SLC12A6: variants seen among roughly 807,000 people sequenced by gnomAD.
The protein encoded by SLC12A6 is K-Cl cotransporter 3.
Under a neutral mutation model 135.3 loss-of-function variants are expected in SLC12A6, and 66 were observed. That is an observed-to-expected ratio of 0.49 (90% CI 0.40 to 0.60). The LOEUF is 0.60. SLC12A6 is among the 20% of genes least tolerant of loss of function. The pLI, the probability that SLC12A6 is intolerant of heterozygous loss-of-function variation, is 0.00. For missense variants in SLC12A6, 1,058 were observed against 1,452.3 expected, an observed-to-expected ratio of 0.73 and a Z score of 4.41; for synonymous variants, 513 against 508.8, an observed-to-expected ratio of 1.01 and a Z score of -0.11.
rs1384416481 is a variant in SLC12A6, at chr15:34,231,046, A to G, written c.*2835T>C. 1 of 152,230 alleles carries G rather than the reference A, an allele frequency of 6.6e-6. No homozygotes were observed. Among genetic ancestry groups the G allele is most frequent in the Admixed American group, 6.5e-5 (1 of 15,280 alleles). 9.4% of individuals were successfully genotyped at this position (152,230 alleles called of 1,614,324 possible). On this transcript the variant is annotated 3_prime_UTR_variant, in exon 26 of 26. Coordinates refer to ENST00000354181, the MANE Select transcript of SLC12A6 (RefSeq NM_001365088.1). The stretch of plus-strand genomic sequence containing the variant: ...TCCTAGGCAGGCTGACCTTTACAGT[A>G]TGGGCCTTTAAGATACTGGATCCTG...
chr15:34,253,000 A>G (rs1186818652), intron 9 of SLC12A6, among the ~76,000 whole-genome samples: 1 of 152,212 alleles, frequency 6.6e-6, no homozygotes, highest in Non-Finnish European at 1.5e-5. Context: ...CTGTTTTTGA[A>G]TTTAAGCCTA....
Position 34,275,352 on chromosome 15 carries a change from T to C in SLC12A6, c.309A>G (p.Gln103=), listed in dbSNP as rs772276744. The C allele has an allele frequency of 2.6e-6, 4 of 1,523,736 alleles. No homozygotes were observed. Among genetic ancestry groups the C allele is most frequent in the Admixed American group, 3.3e-5 (2 of 59,858 alleles). 94.4% of individuals were successfully genotyped at this position (1,523,736 alleles called of 1,614,324 possible). A position where few individuals can be genotyped will look rare whatever the true frequency, so the allele number is the denominator to read the frequency against. ...SQNSITGEHS[Q]LLDDGHKKAR... is the part of the protein sequence containing the mutation. ...CCCACAGTAATACTATACCTAACAGTTGGCTGTGTTCCCCTGTGATGGAGT... is the reference window on the plus strand; with the variant it reads ...CCCACAGTAATACTATACCTAACAGCTGGCTGTGTTCCCCTGTGATGGAGT... Residue 103 remains glutamine (Q), a synonymous_variant, in exon 3 of 26, where the codon CAA becomes CAG. Coordinates refer to ENST00000354181, the MANE Select transcript of SLC12A6 (RefSeq NM_001365088.1).
intron 3 of SLC12A6, among the ~76,000 whole-genome samples, chr15:34,266,312 T>G (rs1723350060): frequency 6.6e-6 from 1 of 152,136 alleles, no homozygotes; most frequent in African/African-American, 2.4e-5. Flanking sequence ...TGAGAAACAT[T>G]TTATTAGGTA....
At chr15:34,252,092 A>G in intron 10 of SLC12A6, 78 bp downstream of exon 10, 1 of 741,462 alleles carries the variant, frequency 1.3e-6, no homozygotes. Flanking sequence ...CTTTATGGAC[A>G]GTAGAGGAAT....
At chr15:34,273,120 G>A (rs1268590564) in intron 3 of SLC12A6, among the ~76,000 whole-genome samples, 1 of 152,208 alleles carries the variant, frequency 6.6e-6, no homozygotes, top group Admixed American at 6.5e-5. Flanking sequence ...AGAGGCCACA[G>A]TGGGTGGGTC....
chr15:34,318,724 T>C (rs1888833150), intron 2 of SLC12A6: 1 of 1,611,300 alleles, frequency 6.2e-7, no homozygotes, highest in Non-Finnish European at 8.5e-7. Flanking sequence ...TTAAACTTCC[T>C]TCCAGTTAGT....
chr15:34,230,117 T>C lies in SLC12A6; in HGVS notation c.*3764A>G. On this transcript the variant is annotated 3_prime_UTR_variant, in exon 26 of 26. Coordinates refer to ENST00000354181, the MANE Select transcript of SLC12A6 (RefSeq NM_001365088.1). ...AATCAAGAACTGTTGCAGCATCTCC[T>C]TTCAATAAATTAAATGGTTGAGAAC... is the stretch of plus-strand genomic sequence containing the variant. 1 of 309,236 alleles carries C rather than the reference T, an allele frequency of 3.2e-6. No individual in the cohort carries two copies. The allele number at this position is 309,236 out of a possible 1,614,324, so 19.2% of individuals were successfully genotyped here.
chr15:34,327,894 G>T (rs1889579513), intron 2 of SLC12A6, among the ~76,000 whole-genome samples: 1 of 152,044 alleles, frequency 6.6e-6, no homozygotes, highest in African/African-American at 2.4e-5. Flanking sequence ...GAGAAATTCA[G>T]GTGCTACTTT....
rs1250850814 is a variant in SLC12A6 at position 34,336,569 on chromosome 15, G to T, written c.112C>A (p.Arg38=). The part of the protein sequence containing the change: ...LSDTSPDLSS[R]SSSRVRFSSR... ...CTAAATCTTACTCGGGAACTAGATC[G>T]AGAGCTGAGGTCCGGACTGGTGTCT... Residue 38 remains arginine, a synonymous_variant, in exon 2 of 26, where the codon CGA becomes AGA. Coordinates refer to ENST00000354181, the MANE Select transcript of SLC12A6 (RefSeq NM_001365088.1). 1.9e-6 allele frequency: 3 copies of T among 1,613,858 alleles called. No individual in the cohort carries two copies. In the African/African-American group the frequency reaches 4.0e-5, roughly 22 times the overall value.
chr15:34,240,514 G>A (rs1891569030), intron 19 of SLC12A6, 147 bp downstream of exon 19: 1 of 681,850 alleles, frequency 1.5e-6, no homozygotes, highest in Non-Finnish European at 2.6e-6. Flanking sequence ...TATTATTTGG[G>A]AAAAAGTGTC....
chr15:34,265,495 T>C (rs1021204309), intron 3 of SLC12A6, among the ~76,000 whole-genome samples: 35 of 150,562 alleles, frequency 2.3e-4, no homozygotes, highest in Admixed American at 2.3e-3. Flanking sequence ...GAAAATCAAA[T>C]AGGTACTGGG....
chr15:34,275,004 AG>A (rs1486010853), intron 3 of SLC12A6, among the ~76,000 whole-genome samples: 1 of 152,208 alleles, frequency 6.6e-6, no homozygotes, highest in Admixed American at 6.5e-5. Flanking sequence ...GGCCAAGAAA[AG>A]TAATAAAAAG....
At chr15:34,247,701 A>G (rs543314083) in intron 13 of SLC12A6, among the ~76,000 whole-genome samples, 9 of 144,596 alleles carry the variant, frequency 6.2e-5, no homozygotes, top group Admixed American at 2.8e-4. Flanking sequence ...CCTCTCCACT[A>G]TCCTGACTTT....
chr15:34,259,066 G>A, intron 4 of SLC12A6, 122 bp from the exon 5 acceptor site: 2 of 772,964 alleles, frequency 2.6e-6, no homozygotes, highest in Non-Finnish European at 4.3e-6. Context: ...TAGGCCGGGT[G>A]CAGTGGCTCA....
intron 2 of SLC12A6, among the ~76,000 whole-genome samples, chr15:34,304,141 T>C (rs1026136740): frequency 6.6e-6 from 1 of 152,222 alleles, no homozygotes; most frequent in East Asian, 1.9e-4. Context: ...TTACCTATTC[T>C]GGACATTTCC....
intron 2 of SLC12A6, among the ~76,000 whole-genome samples, chr15:34,275,805 C>G (rs954972631): frequency 4.6e-5 from 7 of 152,104 alleles, no homozygotes; most frequent in Non-Finnish European, 7.4e-5. Flanking sequence ...ATACATGTGA[C>G]AACATGGATG....
intron 2 of SLC12A6, among the ~76,000 whole-genome samples, chr15:34,312,819 C>T (rs559840318): frequency 6.6e-6 from 1 of 152,302 alleles, no homozygotes; most frequent in South Asian, 2.1e-4. Context: ...TCATGTCTGT[C>T]GCATTTTGGT....
chr15:34,260,858 G>C, intron 4 of SLC12A6, 68 bp downstream of exon 4: 1 of 782,192 alleles, frequency 1.3e-6, no homozygotes, highest in Non-Finnish European at 2.3e-6. Flanking sequence ...ACCAAATGGG[G>C]TAAAATATGG....
In SLC12A6 at chr15:34,254,349, G is replaced by C; in HGVS notation, c.1117C>G (p.Pro373Ala). Reference protein sequence around the residue: ...IKSSFAPPHFPVCMLGNRTLS... With the variant: ...IKSSFAPPHFAVCMLGNRTLS... ...CTAGGCAGAGAGACAGACACGTACG[G>C]GAAGTGTGGAGGAGCAAAAGAAGAC... Residue 373 changes from proline (P) to alanine (A), a missense_variant and splice_region_variant, in exon 9 of 26, where the codon CCG becomes GCG. By Grantham distance (27) the Pro-to-Ala change is conservative. Coordinates refer to ENST00000354181, the MANE Select transcript of SLC12A6 (RefSeq NM_001365088.1). The C allele has an allele frequency of 6.2e-7, 1 of 1,613,198 alleles. No homozygotes were observed. Among genetic ancestry groups the C allele is most frequent in the Non-Finnish European group, 8.5e-7 (1 of 1,179,276 alleles).
Sources: allele counts gnomAD v4.1 joint callset (sites outside exome capture counted in the v4.1 genomes callset), GRCh38; gene constraint gnomAD v4.1.1; transcripts MANE v1.5; gene names NCBI Gene and HGNC (gene_info 2026-07-23, HGNC 2026-07-21).